ABTB3: variants seen among roughly 807,000 people sequenced by gnomAD.
ABTB3 encodes ankyrin repeat and BTB domain containing 3.
the ABTB3 span, among the ~76,000 whole-genome samples, chr12:107,334,609 C>T: frequency 2.0e-5 from 3 of 152,104 alleles, no homozygotes; most frequent in African/African-American, 7.2e-5. Context: ...ATTGGATACT[C>T]ATTTAGGAGT....
chr12:107,603,870 G>A, the ABTB3 span, among the ~76,000 whole-genome samples: 4 of 152,198 alleles, frequency 2.6e-5, no homozygotes, highest in Admixed American at 2.6e-4. Context: ...GAAATTATCC[G>A]ATTAAAAAAT....
At chr12:107,625,342 G>A in the ABTB3 span, among the ~76,000 whole-genome samples, 1 of 152,098 alleles carries the variant, frequency 6.6e-6, no homozygotes, top group Non-Finnish European at 1.5e-5. Context: ...TCATTCACTT[G>A]GAGATCTTCT....
chr12:107,479,363 A>G, the ABTB3 span, among the ~76,000 whole-genome samples: 1 of 151,812 alleles, frequency 6.6e-6, no homozygotes, highest in Non-Finnish European at 1.5e-5. Flanking sequence ...AGAGGTGCCC[A>G]GGGATTGAAT....
chr12:107,620,161 C>T, the ABTB3 span: 1 of 1,613,830 alleles, frequency 6.2e-7, no homozygotes, highest in Non-Finnish European at 8.5e-7. Context: ...TGAAAGCGAG[C>T]AAGGTATGTG....
chr12:107,481,082 G>A, the ABTB3 span, among the ~76,000 whole-genome samples: 1 of 152,160 alleles, frequency 6.6e-6, no homozygotes, highest in South Asian at 2.1e-4. Context: ...GACAATTCTG[G>A]TTGTCACAAC....
chr12:107,430,595 G>A, the ABTB3 span, among the ~76,000 whole-genome samples: 7 of 152,050 alleles, frequency 4.6e-5, no homozygotes, highest in Admixed American at 1.3e-4. Flanking sequence ...CTATCCATCC[G>A]TCCGTCCATC....
chr12:107,612,296 A>G, the ABTB3 span, among the ~76,000 whole-genome samples: 33,378 of 152,224 alleles, frequency 0.22, 4,714 homozygotes, highest in African/African-American at 0.39. Flanking sequence ...CCAGATGTCA[A>G]TGATGGGCAA....
the ABTB3 span, among the ~76,000 whole-genome samples, chr12:107,562,287 C>A: frequency 1.3e-5 from 2 of 152,172 alleles, no homozygotes; most frequent in African/African-American, 4.8e-5. Context: ...ACAGAGAAAT[C>A]AAACTGGGTA....
At chr12:107,645,903 G>A in the ABTB3 span, among the ~76,000 whole-genome samples, 196 of 152,268 alleles carry the variant, frequency 1.3e-3, no homozygotes, top group Admixed American at 2.1e-3. Context: ...CCGTGTGCCC[G>A]CCCTTTCCCC....
At chr12:107,445,500 TGGTGCCCAGGGAGTG>T in the ABTB3 span, among the ~76,000 whole-genome samples, 1 of 152,088 alleles carries the variant, frequency 6.6e-6, no homozygotes, top group Non-Finnish European at 1.5e-5. Context: ...TGCTGAGGAG[TGGTGCCCAGGGAGTG>T]GGTGCCCAGA....
At chr12:107,371,223 T>TA in the ABTB3 span, among the ~76,000 whole-genome samples, 1 of 152,188 alleles carries the variant, frequency 6.6e-6, no homozygotes, top group Non-Finnish European at 1.5e-5. Context: ...AGAATGAGAC[T>TA]AAATCCCATC....
chr12:107,347,654 A>G, the ABTB3 span, among the ~76,000 whole-genome samples: 2,078 of 152,238 alleles, frequency 0.014, 23 homozygotes, highest in Non-Finnish European at 0.023. Flanking sequence ...GTCAGGAGTT[A>G]GAAACTCCCA....
At chr12:107,556,173 C>T in the ABTB3 span, among the ~76,000 whole-genome samples, 1 of 151,872 alleles carries the variant, frequency 6.6e-6, no homozygotes, top group South Asian at 2.1e-4. Flanking sequence ...CGGCTCACCG[C>T]AACCTCCGCC....
At chr12:107,395,598 C>A in the ABTB3 span, among the ~76,000 whole-genome samples, 7 of 152,320 alleles carry the variant, frequency 4.6e-5, no homozygotes, top group East Asian at 5.8e-4. Flanking sequence ...ATCACATGCA[C>A]CCCCTGCTCA....
the ABTB3 span, among the ~76,000 whole-genome samples, chr12:107,429,150 T>A: frequency 6.6e-6 from 1 of 152,216 alleles, no homozygotes; most frequent in South Asian, 2.1e-4. Context: ...GGGCTTCTGT[T>A]AGCAGCAGCT....
chr12:107,525,000 G>A, the ABTB3 span, among the ~76,000 whole-genome samples: 1 of 152,142 alleles, frequency 6.6e-6, no homozygotes, highest in Non-Finnish European at 1.5e-5. Context: ...TCCAGTCAAT[G>A]ACAGACTACA....
At chr12:107,359,678 T>A in the ABTB3 span, among the ~76,000 whole-genome samples, 2 of 152,190 alleles carry the variant, frequency 1.3e-5, no homozygotes, top group South Asian at 4.2e-4. Flanking sequence ...CTCTCAGGTT[T>A]TGACCGCATC....
the ABTB3 span, among the ~76,000 whole-genome samples, chr12:107,580,172 C>A: frequency 6.6e-5 from 10 of 152,200 alleles, no homozygotes; most frequent in Non-Finnish European, 1.5e-4. Flanking sequence ...CCAGATAATT[C>A]TGATGCACAT....
chr12:107,562,471 G>A, the ABTB3 span, among the ~76,000 whole-genome samples: 9 of 152,206 alleles, frequency 5.9e-5, no homozygotes, highest in African/African-American at 1.4e-4. Context: ...AAAGGCTCTG[G>A]GGCAGAAACA....
Sources: allele counts gnomAD v4.1 joint callset (sites outside exome capture counted in the v4.1 genomes callset), GRCh38; gene constraint gnomAD v4.1.1; transcripts MANE v1.5; gene names NCBI Gene and HGNC (gene_info 2026-07-23, HGNC 2026-07-21).